Variants in PCDH19 observed in about 807,000 individuals in gnomAD.
PCDH19 encodes the protein protocadherin-19.
In PCDH19, 6 loss-of-function variants were observed where a neutral mutation model predicts 46.2. The ratio of observed to expected loss-of-function variants is 0.13; its 90% CI spans 0.07 to 0.26. The LOEUF (loss-of-function observed/expected upper bound fraction) is 0.26, where lower values mean the gene tolerates loss of function less well. PCDH19 is among the 10% of genes least tolerant of loss of function. The pLI, the probability that PCDH19 is intolerant of heterozygous loss-of-function variation, is 1.00. For missense variants in PCDH19, 740 were observed against 972.3 expected (o/e 0.76, Z 3.18); for synonymous variants, 481 against 415.7 (o/e 1.16, Z -1.91).
At position 100,409,872 on chromosome X, in the gene PCDH19, G is replaced by A. The variant is rs1569317127; in HGVS notation, c.-1275C>T. Reference sequence around the variant, plus strand: ...ATTTCATCTTCCCGGAGAGGCGCTGGCCGCGCTGCGTTGGGCTCCCTTCCT... The same window carrying A: ...ATTTCATCTTCCCGGAGAGGCGCTGACCGCGCTGCGTTGGGCTCCCTTCCT... On this transcript the variant is annotated 5_prime_UTR_variant, in exon 1 of 6. Coordinates refer to ENST00000373034, the MANE Select transcript of PCDH19 (RefSeq NM_001184880.2). 3.2e-6 allele frequency: 1 copy of A among 311,234 alleles called. No homozygotes were observed. Among genetic ancestry groups the A allele is most frequent in the Non-Finnish European group, 5.5e-6 (1 of 181,700 alleles). 25.6% of individuals were successfully genotyped at this position (311,234 alleles called of 1,213,427 possible). A position where few individuals can be genotyped will look rare whatever the true frequency, so the allele number is the denominator to read the frequency against.
chrX:100,318,261 A>G (rs1411505549), intron 5 of PCDH19, among the ~76,000 whole-genome samples: 1 of 112,315 alleles, frequency 8.9e-6, no homozygotes, highest in Non-Finnish European at 1.9e-5. Flanking sequence ...TTTCCCTTCC[A>G]TAAGTCAGGA....
chrX:100,384,185 C>A (rs773919102), intron 3 of PCDH19, among the ~76,000 whole-genome samples: 8 of 111,392 alleles, frequency 7.2e-5, no homozygotes, highest in Admixed American at 1.9e-4. Context: ...CAGAAGAAAT[C>A]GCAGATTAAA....
chrX:100,296,906 T>C, intron 5 of PCDH19, 31 bp from the exon 6 acceptor site: 12 of 1,146,941 alleles, frequency 1.0e-5, no homozygotes, highest in Non-Finnish European at 1.4e-5. Context: ...ATCAATTTCA[T>C]CAGCTTTTCC....
chrX:100,379,347 A>ACACACACACACACACACACAC lies in PCDH19; in HGVS notation c.2616+23176_2616+23177insGTGTGTGTGTGTGTGTGTGTG, dbSNP rs66715683. Reference sequence around the variant, plus strand: ...CACACACACACACACACACACACACACATTTCCTCCCAGCTCTCAGGAACA... The same window carrying ACACACACACACACACACACAC: ...CACACACACACACACACACACACACACACACACACACACACACACACCATTTCCTCCCAGCTCTCAGGAACA... On this transcript the variant is annotated intron_variant, in intron 3 of 5. Transcript: ENST00000373034. 2.6e-4 allele frequency among the ~76,000 whole-genome samples: 17 copies of ACACACACACACACACACACAC among 65,261 alleles called. 1 individual carries two copies. The East Asian group carries it at 5.7e-3, about 22-fold the overall frequency. 56.7% of individuals were successfully genotyped at this position (65,261 alleles called of 115,157 possible). A position where few individuals can be genotyped will look rare whatever the true frequency, so the allele number is the denominator to read the frequency against.
At position 100,295,955 on chromosome X, in the gene PCDH19, A is replaced by G. The variant is rs528508273; in HGVS notation, c.*322T>C. On this transcript the variant is annotated 3_prime_UTR_variant, in exon 6 of 6. Coordinates refer to ENST00000373034, the MANE Select transcript of PCDH19 (RefSeq NM_001184880.2). ...TCCTCCACAAACAATGGTAATTTAT[A>G]TTATAATTTTGACATAGAAAAATAT... 63 of 231,840 alleles carry G rather than the reference A, an allele frequency of 2.7e-4. 1 individual carries two copies. In the South Asian group the frequency reaches 8.8e-3, roughly 32 times the overall value. 19.1% of individuals were successfully genotyped at this position (231,840 alleles called of 1,213,427 possible). A position where few individuals can be genotyped will look rare whatever the true frequency, so the allele number is the denominator to read the frequency against.
intron 5 of PCDH19, among the ~76,000 whole-genome samples, chrX:100,332,926 CAGG>C (rs1361098572): frequency 9.3e-6 from 1 of 107,685 alleles, no homozygotes; most frequent in East Asian, 2.9e-4. Context: ...CGCCTGAGCC[CAGG>C]AGGTCAAGGC....
chrX:100,300,779 A>G (rs1924751072), intron 5 of PCDH19, among the ~76,000 whole-genome samples: 1 of 106,711 alleles, frequency 9.4e-6, no homozygotes, highest in Non-Finnish European at 1.9e-5. Context: ...CTTAGTTCAA[A>G]ACAAATCTGA....
chrX:100,389,908 G>A (rs1039584034), intron 3 of PCDH19, among the ~76,000 whole-genome samples: 7 of 110,854 alleles, frequency 6.3e-5, no homozygotes, highest in Non-Finnish European at 1.1e-4. Flanking sequence ...AAATCAATTG[G>A]ATATTTATTT....
At chrX:100,322,833 G>GTGTATATATATATATATATATATATATA (rs1322393906) in intron 5 of PCDH19, among the ~76,000 whole-genome samples, 13 of 48,791 alleles carry the variant, frequency 2.7e-4, no homozygotes, top group African/African-American at 9.4e-4. Flanking sequence ...ATATTCCTAA[G>GTGTATATATATATATATATATATATATA]TATATATATA....
chrX:100,360,965 G>A (rs1224025866), intron 3 of PCDH19, among the ~76,000 whole-genome samples: 2 of 111,897 alleles, frequency 1.8e-5, no homozygotes, highest in Non-Finnish European at 3.8e-5. Context: ...TTTTATTTGG[G>A]AAGGGGGATG....
chrX:100,292,385 A>AC lies in PCDH19; in HGVS notation c.*3891dup, dbSNP rs1924454035. Reference sequence around the variant, plus strand: ...ATCAGGTGTTTGTGGGTTATTCTTTACCAAGAGCGCCTTCCAATCTATGTA... The same window carrying AC: ...ATCAGGTGTTTGTGGGTTATTCTTTACCCAAGAGCGCCTTCCAATCTATGTA... On this transcript the variant is annotated 3_prime_UTR_variant, in exon 6 of 6. Transcript: ENST00000373034. 1 of 112,777 alleles carries AC rather than the reference A, an allele frequency of 8.9e-6. No homozygotes were observed. Among genetic ancestry groups the AC allele is most frequent in the Non-Finnish European group, 1.9e-5 (1 of 53,331 alleles). 9.3% of individuals were successfully genotyped at this position (112,777 alleles called of 1,213,427 possible).
intron 5 of PCDH19, among the ~76,000 whole-genome samples, chrX:100,326,017 C>T (rs1006313292): frequency 5.3e-5 from 6 of 112,234 alleles, no homozygotes; most frequent in African/African-American, 1.6e-4. Flanking sequence ...ATATTATCAG[C>T]GAAGGTGGGC....
intron 3 of PCDH19, among the ~76,000 whole-genome samples, chrX:100,399,617 C>T (rs1311623541): frequency 1.8e-5 from 2 of 111,117 alleles, no homozygotes; most frequent in Non-Finnish European, 3.8e-5. Context: ...GTGTCATTTT[C>T]CCTACGCAGG....
intron 3 of PCDH19, among the ~76,000 whole-genome samples, chrX:100,382,615 C>T (rs1178188902): frequency 1.8e-5 from 2 of 112,073 alleles, no homozygotes; most frequent in East Asian, 5.6e-4. Context: ...AGGTCACAAC[C>T]CCAAGCCAGT....
At chrX:100,343,734 A>C (rs1324403600) in intron 4 of PCDH19, among the ~76,000 whole-genome samples, 1 of 111,728 alleles carries the variant, frequency 9.0e-6, no homozygotes, top group African/African-American at 3.3e-5. Flanking sequence ...GCAAAGGCAC[A>C]CTCAAGAAAA....
chrX:100,363,886 T>TGA (rs1555980305), intron 3 of PCDH19, among the ~76,000 whole-genome samples: 10 of 98,041 alleles, frequency 1.0e-4, no homozygotes, highest in Admixed American at 4.6e-4. Context: ...TGTGTGTGTG[T>TGA]GAGAGAGAGG....
In PCDH19 at chrX:100,408,505, C is replaced by T; in HGVS notation, c.93G>A (p.Glu31=). Residue 31 remains glutamate (E), a synonymous_variant, in exon 1 of 6, where the codon GAG becomes GAA. Transcript: ENST00000373034. ...CAATCACCGTCCCGGCGCGCTGCTCCTCTTCTACCGAGTACTTGAGATTAA... is the reference window on the plus strand; with the variant it reads ...CAATCACCGTCCCGGCGCGCTGCTCTTCTTCTACCGAGTACTTGAGATTAA... ...ALINLKYSVE[E]EQRAGTVIAN... is the part of the protein sequence containing the mutation. 1 of 1,202,503 alleles carries T rather than the reference C, an allele frequency of 8.3e-7. No individual in the cohort carries two copies. The highest frequency in any genetic ancestry group is 2.3e-4 in the Middle Eastern group (1 of 4,341).
chrX:100,344,574 C>T (rs1216681829), intron 4 of PCDH19, among the ~76,000 whole-genome samples: 1 of 107,750 alleles, frequency 9.3e-6, no homozygotes, highest in Non-Finnish European at 1.9e-5. Flanking sequence ...AACTTTCCAA[C>T]CTGTATATTT....
Position 100,330,420 on chromosome X carries a change from G to A in PCDH19, c.2848+11483C>T, listed in dbSNP as rs185457321. On this transcript the variant is annotated intron_variant, in intron 5 of 5. Transcript: ENST00000373034. ...TATATGAGCTTAGAGGTGGAAAAGCGACCACAGAAATTGGAAAATATATCT... is the reference window on the plus strand; with the variant it reads ...TATATGAGCTTAGAGGTGGAAAAGCAACCACAGAAATTGGAAAATATATCT... 4.5e-5 allele frequency among the ~76,000 whole-genome samples: 5 copies of A among 112,180 alleles called. No homozygotes were observed. In the East Asian group the frequency reaches 8.4e-4, roughly 19 times the overall value.
Sources: allele counts gnomAD v4.1 joint callset (sites outside exome capture counted in the v4.1 genomes callset), GRCh38; gene constraint gnomAD v4.1.1; transcripts MANE v1.5; gene names NCBI Gene and HGNC (gene_info 2026-07-23, HGNC 2026-07-21).